The following ZBTB20 variants were observed in gnomAD, a reference collection of about 807,000 sequenced individuals.
ZBTB20 encodes zinc finger and BTB domain containing 20.
ZBTB20 carries 9 observed loss-of-function variants against 56.9 expected under a neutral mutation model. That is an observed-to-expected ratio of 0.16 (90% confidence interval 0.10 to 0.28). ZBTB20 has a LOEUF of 0.28. ZBTB20 is among the 10% of genes least tolerant of loss of function. The pLI is 1.00. For missense variants in ZBTB20, 655 were observed against 1,003.0 expected (o/e 0.65, Z 4.69); for synonymous variants, 417 against 420.7 (o/e 0.99, Z 0.11).
intron 3 of ZBTB20, among the ~76,000 whole-genome samples, chr3:114,907,587 G>A (rs1429556415): frequency 1.3e-5 from 2 of 151,826 alleles, no homozygotes; most frequent in Non-Finnish European, 1.5e-5. Flanking sequence ...TCAATCAGAG[G>A]TGATAAACTG....
In ZBTB20 at chr3:114,416,541, G is replaced by A. The variant is rs150020524; in HGVS notation, c.-254-27436C>T. 8.0e-4 allele frequency among the ~76,000 whole-genome samples: 122 copies of A among 152,064 alleles called. 2 individuals are homozygous for A. The East Asian group carries it at 0.023, about 29-fold the overall frequency. Reference sequence around the variant, plus strand: ...TTCTAGAAGCTGGCTAAGTATAGACGCAGACGGTGAAACTCAATCGCAGAG... The same window carrying A: ...TTCTAGAAGCTGGCTAAGTATAGACACAGACGGTGAAACTCAATCGCAGAG... On this transcript the variant is annotated intron_variant, in intron 7 of 11. Coordinates refer to ENST00000675478, the MANE Select transcript of ZBTB20 (RefSeq NM_001348800.3).
intron 5 of ZBTB20, among the ~76,000 whole-genome samples, chr3:114,724,332 C>T (rs2065123303): frequency 6.6e-6 from 1 of 152,124 alleles, no homozygotes; most frequent in African/African-American, 2.4e-5. Context: ...TAGCTACCAA[C>T]CATATAATTT....
rs9682862 is a variant in ZBTB20, at chr3:114,787,378, C to T, written c.-343+13723G>A. Among the ~76,000 whole-genome samples, 30 of 126,470 alleles carry T rather than the reference C, an allele frequency of 2.4e-4. 2 individuals are homozygous for T. The highest frequency in any genetic ancestry group is 1.8e-4 in the African/African-American group (6 of 33,848). The allele number at this position is 126,470 out of a possible 152,430, so 83.0% of individuals were successfully genotyped here. ...ATATATATATATATATACACACACA[C>T]ACACACACACACACATATATATACA... On this transcript the variant is annotated intron_variant, in intron 5 of 11. Transcript: ENST00000675478.
At chr3:114,481,205 A>C (rs2041501563) in intron 7 of ZBTB20, among the ~76,000 whole-genome samples, 2 of 151,746 alleles carry the variant, frequency 1.3e-5, no homozygotes, top group Admixed American at 6.6e-5. Context: ...TTGAGATCCA[A>C]GTCTTTAGGT....
intron 4 of ZBTB20, among the ~76,000 whole-genome samples, chr3:114,842,775 C>G (rs2107331426): frequency 6.6e-6 from 1 of 152,092 alleles, no homozygotes; most frequent in East Asian, 1.9e-4. Flanking sequence ...AGTGTGCCAT[C>G]CTCTTGTATT....
At chr3:114,989,893 GCTTT>G (rs2078724207) in intron 2 of ZBTB20, among the ~76,000 whole-genome samples, 1 of 152,036 alleles carries the variant, frequency 6.6e-6, no homozygotes, top group South Asian at 2.1e-4. Context: ...TCATGATCTG[GCTTT>G]CTGTTTGTCT....
intron 6 of ZBTB20, among the ~76,000 whole-genome samples, chr3:114,671,856 T>G (rs1196086855): frequency 6.6e-6 from 1 of 152,124 alleles, no homozygotes; most frequent in African/African-American, 2.4e-5. Flanking sequence ...CAATTTACAG[T>G]AGTACCTACT....
intron 6 of ZBTB20, among the ~76,000 whole-genome samples, chr3:114,586,209 T>C (rs1371458932): frequency 1.3e-5 from 2 of 152,200 alleles, no homozygotes; most frequent in Non-Finnish European, 2.9e-5. Context: ...CTGTGGTCAG[T>C]GTCACACAAA....
At position 114,642,137 on chromosome 3, in the gene ZBTB20, T is replaced by C. The variant is rs185597799; in HGVS notation, c.-295+51391A>G. 1.5e-3 allele frequency among the ~76,000 whole-genome samples: 233 copies of C among 152,038 alleles called. 1 individual carries two copies. The highest frequency in any genetic ancestry group is 5.3e-3 in the African/African-American group (219 of 41,502). The stretch of plus-strand genomic sequence containing the variant: ...TTTAAATATACTCTACTTGCAAAGG[T>C]GGTAGGGTAAAAAGAGGAGTGGCTG... On this transcript the variant is annotated intron_variant, in intron 6 of 11. Coordinates refer to ENST00000675478, the MANE Select transcript of ZBTB20 (RefSeq NM_001348800.3).
intron 3 of ZBTB20, among the ~76,000 whole-genome samples, chr3:114,905,783 G>T (rs1192070292): frequency 6.6e-6 from 1 of 151,786 alleles, no homozygotes; most frequent in Non-Finnish European, 1.5e-5. Flanking sequence ...GTTAACACCA[G>T]GTTAGAAAGC....
rs1487545363 is a variant in ZBTB20 at position 114,324,724 on chromosome 3, G to A, written c.*14281C>T. The A allele has an allele frequency of 6.6e-6, 1 of 152,108 alleles. No individual in the cohort carries two copies. Among genetic ancestry groups the A allele is most frequent in the Non-Finnish European group, 1.5e-5 (1 of 68,008 alleles). 9.4% of individuals were successfully genotyped at this position (152,108 alleles called of 1,614,324 possible). On this transcript the variant is annotated 3_prime_UTR_variant, in exon 12 of 12. Transcript: ENST00000675478. ...ATAAGAAGAAAAAACATTCATAGTAGGATTTCTTAAGGAGCTTACTTCTTT... is the reference window on the plus strand; with the variant it reads ...ATAAGAAGAAAAAACATTCATAGTAAGATTTCTTAAGGAGCTTACTTCTTT...
At chr3:114,367,983 A>G (rs1328796812) in intron 10 of ZBTB20, among the ~76,000 whole-genome samples, 1 of 152,148 alleles carries the variant, frequency 6.6e-6, no homozygotes, top group Non-Finnish European at 1.5e-5. Context: ...GGGGGAAAGG[A>G]TGGGGACCTG....
chr3:114,997,337 T>C (rs1432176426), intron 2 of ZBTB20, among the ~76,000 whole-genome samples: 1 of 151,794 alleles, frequency 6.6e-6, no homozygotes, highest in African/African-American at 2.4e-5. Context: ...GTGATGTTTG[T>C]ACAACCTTGC....
In ZBTB20 at chr3:114,695,023, G is replaced by A. The variant is rs371844314; in HGVS notation, c.-342-1448C>T. ...GGGTTGGCCATAGCAGGTCCCTTAC[G>A]AGTTCACTGAAACACGGAAAATATT... is the stretch of plus-strand genomic sequence containing the variant. On this transcript the variant is annotated intron_variant, in intron 5 of 11. Coordinates refer to ENST00000675478, the MANE Select transcript of ZBTB20 (RefSeq NM_001348800.3). 3.7e-4 allele frequency among the ~76,000 whole-genome samples: 56 copies of A among 152,094 alleles called. No homozygotes were observed. The East Asian group carries it at 6.4e-3, about 17-fold the overall frequency.
At chr3:114,370,119 A>C (rs147955786) in intron 10 of ZBTB20, among the ~76,000 whole-genome samples, 4,732 of 152,274 alleles carry the variant, frequency 0.031, 119 homozygotes, top group South Asian at 0.077. Flanking sequence ...TTACCATTCC[A>C]ATTGCCCTGT....
intron 3 of ZBTB20, among the ~76,000 whole-genome samples, chr3:114,966,902 A>G (rs767472697): frequency 6.6e-6 from 1 of 152,146 alleles, no homozygotes; most frequent in South Asian, 2.1e-4. Context: ...TTTTCATGGG[A>G]AACATTTTAG....
intron 2 of ZBTB20, among the ~76,000 whole-genome samples, chr3:115,044,192 T>C (rs1452361977): frequency 2.0e-5 from 3 of 152,140 alleles, no homozygotes; most frequent in African/African-American, 7.2e-5. Flanking sequence ...TTTATAGCAA[T>C]ACAAGAATGG....
At chr3:115,075,147 A>C (rs2082550426) in intron 1 of ZBTB20, among the ~76,000 whole-genome samples, 1 of 152,162 alleles carries the variant, frequency 6.6e-6, no homozygotes, top group African/African-American at 2.4e-5. Flanking sequence ...CTACCCTCTT[A>C]GCAAATCTTA....
At chr3:114,621,521 G>A (rs955489445) in intron 6 of ZBTB20, among the ~76,000 whole-genome samples, 1 of 151,926 alleles carries the variant, frequency 6.6e-6, no homozygotes, top group African/African-American at 2.4e-5. Context: ...TCTTTCTTAG[G>A]GGAATCACAT....
Sources: gnomAD v4.1 joint callset for allele counts (sites outside exome capture counted in the v4.1 genomes callset) on GRCh38, gnomAD v4.1.1 for gene constraint, MANE v1.5 for transcripts, NCBI Gene and HGNC (gene_info 2026-07-23, HGNC 2026-07-21) for gene names.